The following DNAH8 variants were observed in gnomAD, a reference collection of about 807,000 sequenced individuals.
DNAH8 encodes axonemal beta dynein heavy chain 8.
In DNAH8, 382 loss-of-function variants were observed where a neutral mutation model predicts 562.1. The ratio of observed to expected loss-of-function variants is 0.68; its 90% CI spans 0.63 to 0.74. The LOEUF is 0.74. DNAH8 is among the 30% of genes least tolerant of loss of function. The pLI is 0.00. For missense variants in DNAH8, 5,203 were observed against 5,620.4 expected (o/e 0.93, Z 2.37); for synonymous variants, 1,881 against 1,919.4 (o/e 0.98, Z 0.52).
intron 79 of DNAH8, among the ~76,000 whole-genome samples, chr6:38,945,046 T>A (rs992118528): frequency 6.6e-5 from 10 of 152,088 alleles, no homozygotes; most frequent in African/African-American, 2.4e-4. Context: ...TCTTTATCTA[T>A]CTGTTTGACC....
intron 89 of DNAH8, among the ~76,000 whole-genome samples, chr6:39,010,762 A>T (rs888505853): frequency 6.9e-6 from 1 of 145,770 alleles, no homozygotes; most frequent in Non-Finnish European, 1.5e-5. Context: ...ATATAGATAT[A>T]ATTTATATAT....
intron 14 of DNAH8, 85 bp from the exon 15 acceptor site, chr6:38,779,881 T>A: frequency 7.8e-7 from 1 of 1,289,020 alleles, no homozygotes; most frequent in Non-Finnish European, 1.1e-6. Context: ...ATTTGTCAAA[T>A]GAATGAATGG....
chr6:39,023,320 G>A (rs557001946), intron 91 of DNAH8, among the ~76,000 whole-genome samples: 6 of 152,124 alleles, frequency 3.9e-5, no homozygotes, highest in African/African-American at 9.6e-5. Context: ...GTGAAACCCC[G>A]TCTCTACTAA....
rs543954456 is a variant in DNAH8, at chr6:38,859,766, T to C, written c.5959-691T>C. 2.6e-5 allele frequency among the ~76,000 whole-genome samples: 4 copies of C among 152,358 alleles called. No individual in the cohort carries two copies. The South Asian group carries it at 8.3e-4, about 32-fold the overall frequency. ...TACCTCTTGCCTCACTTGTATATGCTGATGACTAGGCAGATTGAGTGGCTT... is the reference window on the plus strand; with the variant it reads ...TACCTCTTGCCTCACTTGTATATGCCGATGACTAGGCAGATTGAGTGGCTT... On this transcript the variant is annotated intron_variant, in intron 42 of 92. Transcript: ENST00000327475.
intron 89 of DNAH8, 93 bp from the exon 90 acceptor site, chr6:39,012,122 A>T: frequency 1.1e-6 from 1 of 920,716 alleles, no homozygotes; most frequent in Non-Finnish European, 1.6e-6. Flanking sequence ...AGATACATCT[A>T]GAGGAAGAAA....
At chr6:38,891,725 A>G (rs932552185) in intron 58 of DNAH8, among the ~76,000 whole-genome samples, 1 of 152,226 alleles carries the variant, frequency 6.6e-6, no homozygotes, top group Non-Finnish European at 1.5e-5. Context: ...GGTAAGATAC[A>G]TGTGGTTTCC....
At chr6:38,770,881 T>TA (rs1323123433) in intron 12 of DNAH8, among the ~76,000 whole-genome samples, 1 of 152,188 alleles carries the variant, frequency 6.6e-6, no homozygotes, top group Non-Finnish European at 1.5e-5. Flanking sequence ...TGAGATGAAA[T>TA]ACCTGCAATG....
In DNAH8 at chr6:38,770,432, A is replaced by G. The variant is rs1767452131; in HGVS notation, c.1637A>G (p.Lys546Arg). The G allele has an allele frequency of 6.3e-7, 1 of 1,589,870 alleles. No homozygotes were observed. The highest frequency in any genetic ancestry group is 2.2e-5 in the East Asian group (1 of 44,664). Residue 546 changes from lysine to arginine, a missense_variant, in exon 12 of 93, where the codon AAG becomes AGG. Transcript: ENST00000327475. ...KKIQDCIFLF[K>R]EYQASFHKTR... ...TCATAGGACTGCATTTTTCTATTCA[A>G]GGAATATCAGGCATCTTTTCATAAA... is the stretch of plus-strand genomic sequence containing the variant.
chr6:38,810,844 C>G (rs999449258), intron 24 of DNAH8, among the ~76,000 whole-genome samples: 3 of 152,130 alleles, frequency 2.0e-5, no homozygotes, highest in African/African-American at 7.2e-5. Flanking sequence ...TAGTGAGGAT[C>G]TGTGAGAGGT....
chr6:38,770,478 A>C lies in DNAH8; in HGVS notation c.1683A>C (p.Glu561Asp). 4 of 1,607,654 alleles carry C rather than the reference A, an allele frequency of 2.5e-6. No individual in the cohort carries two copies. The highest frequency in any genetic ancestry group is 3.4e-6 in the Non-Finnish European group (4 of 1,176,960). Residue 561 changes from glutamate (E) to aspartate (D), a missense_variant, in exon 12 of 93, where the codon GAA becomes GAC. Physicochemically the swap from Glu to Asp is conservative, Grantham distance 45. Coordinates refer to ENST00000327475, the MANE Select transcript of DNAH8 (RefSeq NM_001206927.2). ...ATAAAACAAGGAAACTGATTTCAGA[A>C]TCCTCAGGGGAAAAATCTTTTGAGG... ...SFHKTRKLIS[E>D]SSGEKSFEVS...
intron 77 of DNAH8, 39 bp downstream of exon 77, chr6:38,935,736 G>A (rs545143741): frequency 2.7e-5 from 38 of 1,417,476 alleles, no homozygotes; most frequent in South Asian, 2.2e-4. Flanking sequence ...AACGGATTCT[G>A]AATAAGGATT....
intron 85 of DNAH8, among the ~76,000 whole-genome samples, chr6:38,981,062 T>TGTGTG (rs3047924): frequency 1.4e-5 from 2 of 145,598 alleles, no homozygotes; most frequent in African/African-American, 2.5e-5. Context: ...TGTGTGTGTG[T>TGTGTG]TGAGTTGGGG....
chr6:38,955,411 A>G (rs1762178492), intron 82 of DNAH8, among the ~76,000 whole-genome samples: 1 of 152,124 alleles, frequency 6.6e-6, no homozygotes, highest in Non-Finnish European at 1.5e-5. Context: ...TGGGTGGATC[A>G]TCTGAGGTCA....
intron 31 of DNAH8, 69 bp from the exon 32 acceptor site, chr6:38,834,506 AATAG>A: frequency 9.8e-7 from 1 of 1,023,522 alleles, no homozygotes; most frequent in African/African-American, 1.6e-5. Flanking sequence ...AAATGGAAAT[AATAG>A]ATAAACCCAA....
In DNAH8 at chr6:38,931,878, CA is replaced by C; in HGVS notation, c.11345del (p.Asn3782IlefsTer21). ...TFKLYITTKL[P>X]NPAFTPEINA... ...AAACTTTACATTACTACGAAGTTACCAAATCCTGCCTTTACCCCAGAGATTA... is the reference window on the plus strand; with the variant it reads ...AAACTTTACATTACTACGAAGTTACCAATCCTGCCTTTACCCCAGAGATTA... On this transcript the variant is annotated frameshift_variant, in exon 76 of 93. Coordinates refer to ENST00000327475, the MANE Select transcript of DNAH8 (RefSeq NM_001206927.2). LOFTEE classifies it high-confidence loss of function. The C allele has an allele frequency of 6.2e-7, 1 of 1,610,150 alleles. No individual in the cohort carries two copies. The highest frequency in any genetic ancestry group is 1.1e-5 in the South Asian group (1 of 90,308).
Position 38,846,960 on chromosome 6 carries a change from G to T in DNAH8, c.5045+1187G>T, listed in dbSNP as rs150506562. 5.1e-3 allele frequency among the ~76,000 whole-genome samples: 770 copies of T among 152,290 alleles called. 6 individuals carry two copies. The highest frequency in any genetic ancestry group is 0.018 in the African/African-American group (747 of 41,570). On this transcript the variant is annotated intron_variant, in intron 36 of 92. Transcript: ENST00000327475. ...GCTAAGAAGTCATCAAATTCTGGGA[G>T]ATTCTCTTCCTAGAGAACTTTGCAG...
At chr6:38,927,482 A>AAAAG (rs1782211718) in intron 74 of DNAH8, among the ~76,000 whole-genome samples, 1 of 152,222 alleles carries the variant, frequency 6.6e-6, no homozygotes, top group Non-Finnish European at 1.5e-5. Context: ...GGCAATGTAA[A>AAAAG]TAGAAGAGAA....
chr6:38,988,291 A>G (rs996791793), intron 87 of DNAH8, among the ~76,000 whole-genome samples: 9 of 152,188 alleles, frequency 5.9e-5, no homozygotes, highest in African/African-American at 1.7e-4. Context: ...TTTGCCCCCA[A>G]ATAGCCTCCA....
Position 38,741,789 on chromosome 6 carries a change from A to G in DNAH8, c.1195A>G (p.Met399Val). Reference protein sequence around the residue: ...PLTELEHWKRMSAKFNYIIEQ... With the variant: ...PLTELEHWKRVSAKFNYIIEQ... Reference sequence around the variant, plus strand: ...CACTGAATTGGAACACTGGAAACGCATGTCAGCCAAGTTCAACTATATCAT... The same window carrying G: ...CACTGAATTGGAACACTGGAAACGCGTGTCAGCCAAGTTCAACTATATCAT... The change falls in exon 8 of 93, where the codon ATG (methionine) becomes GTG (valine). Residue 399 changes from methionine to valine, a missense_variant. Coordinates refer to ENST00000327475, the MANE Select transcript of DNAH8 (RefSeq NM_001206927.2). 1 of 1,614,144 alleles carries G rather than the reference A, an allele frequency of 6.2e-7. No individual in the cohort carries two copies. The highest frequency in any genetic ancestry group is 8.5e-7 in the Non-Finnish European group (1 of 1,179,986).
Sources: allele counts gnomAD v4.1 joint callset (sites outside exome capture counted in the v4.1 genomes callset), GRCh38; gene constraint gnomAD v4.1.1; transcripts MANE v1.5; gene names NCBI Gene and HGNC (gene_info 2026-07-23, HGNC 2026-07-21).